The following PCDH15 variants were observed in gnomAD, a reference collection of about 807,000 sequenced individuals.
PCDH15 encodes the protein protocadherin-15.
In PCDH15, 129 loss-of-function variants were observed where a neutral mutation model predicts 178.5. That is an observed-to-expected ratio of 0.72 (90% CI 0.63 to 0.84). PCDH15 has a LOEUF of 0.84. Among genes scored for constraint, PCDH15 ranks in the 40% least tolerant of loss-of-function variants. The pLI, the probability that PCDH15 is intolerant of heterozygous loss-of-function variation, is 0.00. For missense variants in PCDH15, 2,230 were observed against 2,099.9 expected, an observed-to-expected ratio of 1.06 and a Z score of -1.21; for synonymous variants, 800 against 732.0, an observed-to-expected ratio of 1.09 and a Z score of -1.50.
chr10:53,828,034 C>G (rs2076797480), intron 31 of PCDH15, among the ~76,000 whole-genome samples: 1 of 151,734 alleles, frequency 6.6e-6, no homozygotes. Context: ...GCTTGTATAT[C>G]CTTTAAGATT....
At chr10:55,146,547 T>A (rs1838518035) in intron 2 of PCDH15, among the ~76,000 whole-genome samples, 1 of 151,902 alleles carries the variant, frequency 6.6e-6, no homozygotes, top group Non-Finnish European at 1.5e-5. Flanking sequence ...GTTTCTGCTA[T>A]AGCGTTCTGT....
intron 2 of PCDH15, among the ~76,000 whole-genome samples, chr10:55,547,623 T>C (rs774445445): frequency 6.6e-6 from 1 of 152,110 alleles, no homozygotes; most frequent in Non-Finnish European, 1.5e-5. Flanking sequence ...GCCACAAATA[T>C]GGATCTCTTC....
At chr10:55,156,291 A>T (rs188838685) in intron 2 of PCDH15, among the ~76,000 whole-genome samples, 53 of 152,132 alleles carry the variant, frequency 3.5e-4, no homozygotes, top group Non-Finnish European at 6.5e-4. Flanking sequence ...AACTAATGAG[A>T]TCATTGCCAC....
At chr10:54,376,711 T>G (rs1440043565) in intron 4 of PCDH15, among the ~76,000 whole-genome samples, 1 of 151,854 alleles carries the variant, frequency 6.6e-6, no homozygotes, top group East Asian at 1.9e-4. Flanking sequence ...TTACATAATA[T>G]TATTATTTTA....
chr10:54,985,335 T>C (rs760514232), intron 2 of PCDH15, among the ~76,000 whole-genome samples: 2 of 152,192 alleles, frequency 1.3e-5, no homozygotes, highest in Non-Finnish European at 2.9e-5. Flanking sequence ...CAAATATTTG[T>C]GTTTATACTC....
intron 18 of PCDH15, among the ~76,000 whole-genome samples, chr10:54,040,103 C>T (rs1346616567): frequency 6.6e-6 from 1 of 151,918 alleles, no homozygotes. Context: ...ATACTGTTTA[C>T]TTAATTACTC....
At chr10:54,212,459 G>T (rs535491223) in intron 10 of PCDH15, among the ~76,000 whole-genome samples, 1 of 152,066 alleles carries the variant, frequency 6.6e-6, no homozygotes, top group East Asian at 1.9e-4. Context: ...GTCTCCAAGC[G>T]TTTACTTCTG....
At position 54,769,374 on chromosome 10, in the gene PCDH15, T is replaced by C. The variant is rs1055528586; in HGVS notation, c.-29+31551A>G. Among the ~76,000 whole-genome samples, 4 of 150,822 alleles carry C rather than the reference T, an allele frequency of 2.7e-5. No individual in the cohort carries two copies. In the East Asian group the frequency reaches 5.9e-4, roughly 22 times the overall value. On this transcript the variant is annotated intron_variant, in intron 1 of 37. Coordinates refer to ENST00000644397, the MANE Select transcript of PCDH15 (RefSeq NM_001384140.1). ...CTTTTTCTATTTTATCAAGCATACA[T>C]AATTAAATTTGTTAAGTGAAAGGAT... is the stretch of plus-strand genomic sequence containing the variant.
intron 2 of PCDH15, among the ~76,000 whole-genome samples, chr10:54,966,746 C>G (rs1351320077): frequency 6.6e-6 from 1 of 152,064 alleles, no homozygotes; most frequent in Non-Finnish European, 1.5e-5. Flanking sequence ...ACTTGGCTTT[C>G]ATTCTCTTTC....
chr10:54,609,106 T>C (rs1242698253), intron 2 of PCDH15, among the ~76,000 whole-genome samples: 2 of 152,232 alleles, frequency 1.3e-5, no homozygotes, highest in South Asian at 2.1e-4. Flanking sequence ...AATTTGACTA[T>C]TGAATTGTCA....
At chr10:55,330,497 T>C (rs1588920443) in intron 2 of PCDH15, among the ~76,000 whole-genome samples, 2 of 152,040 alleles carry the variant, frequency 1.3e-5, no homozygotes, top group Admixed American at 1.3e-4. Context: ...ATCTGTCAAA[T>C]TGCTTATCTT....
At chr10:54,229,626 T>C (rs2053844865) in intron 9 of PCDH15, among the ~76,000 whole-genome samples, 1 of 152,174 alleles carries the variant, frequency 6.6e-6, no homozygotes, top group African/African-American at 2.4e-5. Context: ...GATCTGATGG[T>C]ATTAAAAGTG....
intron 1 of PCDH15, among the ~76,000 whole-genome samples, chr10:55,214,021 C>T (rs1840635728): frequency 6.6e-6 from 1 of 151,882 alleles, no homozygotes. Flanking sequence ...TTCTTCAACT[C>T]AAAATTATTT....
At chr10:55,278,639 T>C (rs771556523) in intron 1 of PCDH15, among the ~76,000 whole-genome samples, 23 of 152,332 alleles carry the variant, frequency 1.5e-4, no homozygotes, top group Non-Finnish European at 3.4e-4. Flanking sequence ...AAATAGTAAT[T>C]AAGATAATTC....
intron 1 of PCDH15, among the ~76,000 whole-genome samples, chr10:54,788,925 A>G (rs1591639532): frequency 6.6e-6 from 1 of 151,972 alleles, no homozygotes; most frequent in South Asian, 2.1e-4. Flanking sequence ...CTAATTCTTT[A>G]TAGAATCAAG....
At chr10:54,005,951 G>A (rs2092370987) in intron 20 of PCDH15, among the ~76,000 whole-genome samples, 1 of 152,016 alleles carries the variant, frequency 6.6e-6, no homozygotes, top group African/African-American at 2.4e-5. Context: ...TGTGGTACAG[G>A]TACACAAGGG....
chr10:55,547,527 G>A (rs977152832), intron 2 of PCDH15, among the ~76,000 whole-genome samples: 1 of 152,114 alleles, frequency 6.6e-6, no homozygotes. Context: ...AGAGCAAGGT[G>A]AGTAAGGTGA....
chr10:54,898,499 T>C (rs1358909995), intron 2 of PCDH15, among the ~76,000 whole-genome samples: 1 of 152,126 alleles, frequency 6.6e-6, no homozygotes, highest in Non-Finnish European at 1.5e-5. Context: ...CACACTATAT[T>C]TTATTTATAT....
chr10:55,328,570 G>A (rs1565014584), intron 2 of PCDH15, among the ~76,000 whole-genome samples: 2 of 151,244 alleles, frequency 1.3e-5, no homozygotes, highest in Non-Finnish European at 3.0e-5. Context: ...TCATTATTCA[G>A]CACATGGCTG....
Sources: gnomAD v4.1 joint callset for allele counts (sites outside exome capture counted in the v4.1 genomes callset) on GRCh38, gnomAD v4.1.1 for gene constraint, MANE v1.5 for transcripts, NCBI Gene and HGNC (gene_info 2026-07-23, HGNC 2026-07-21) for gene names.